SLC35F4: variants seen among roughly 807,000 people sequenced by gnomAD.
The protein encoded by SLC35F4 is chromosome 14 open reading frame 36.
SLC35F4 carries 24 observed loss-of-function variants against 44.2 expected under a neutral mutation model. The ratio of observed to expected loss-of-function variants is 0.54; its 90% CI spans 0.39 to 0.76. SLC35F4 has a LOEUF of 0.76. Among genes scored for constraint, SLC35F4 ranks in the 30% least tolerant of loss-of-function variants. The probability of loss-of-function intolerance (pLI) is 0.00; values close to 1 mark genes in which losing one functional copy is unlikely to be tolerated. For synonymous variants in SLC35F4, 238 were observed against 223.6 expected (o/e 1.06, Z -0.57); for missense variants, 562 against 586.1 (o/e 0.96, Z 0.42).
chr14:57,974,623 G>A (rs1881157645), downstream of SLC35F4, among the ~76,000 whole-genome samples: 1 of 152,166 alleles, frequency 6.6e-6, no homozygotes, highest in Non-Finnish European at 1.5e-5. Flanking sequence ...TTCAGAATGG[G>A]CAGTTACAGG....
chr14:57,725,236 T>A (rs1223053108), intron 1 of SLC35F4, among the ~76,000 whole-genome samples: 1 of 152,152 alleles, frequency 6.6e-6, no homozygotes, highest in Admixed American at 6.5e-5. Flanking sequence ...GGATGAAGGT[T>A]GCACATGGGC....
At chr14:57,915,044 C>T (rs1889290827) in intron 1 of SLC35F4, among the ~76,000 whole-genome samples, 1 of 152,162 alleles carries the variant, frequency 6.6e-6, no homozygotes, top group Non-Finnish European at 1.5e-5. Context: ...ATTCTTTAAG[C>T]CTGCAGACAA....
At chr14:57,844,348 C>T (rs925152002) in intron 1 of SLC35F4, among the ~76,000 whole-genome samples, 9 of 152,116 alleles carry the variant, frequency 5.9e-5, no homozygotes, top group African/African-American at 1.4e-4. Flanking sequence ...GTGAATAACA[C>T]GGGGCAAGAC....
intron 1 of SLC35F4, among the ~76,000 whole-genome samples, chr14:57,683,803 G>A (rs2074981969): frequency 6.6e-6 from 1 of 152,124 alleles, no homozygotes; most frequent in Non-Finnish European, 1.5e-5. Flanking sequence ...AGGACTTCCA[G>A]TAGGAAAGGG....
intron 3 of SLC35F4, among the ~76,000 whole-genome samples, chr14:57,583,503 A>G (rs771075477): frequency 1.3e-4 from 20 of 152,214 alleles, no homozygotes; most frequent in Non-Finnish European, 2.6e-4. Flanking sequence ...GCTCCTAAGC[A>G]AAGATTTTGG....
intron 1 of SLC35F4, among the ~76,000 whole-genome samples, chr14:57,938,848 AGGGCTGC>A (rs1406475101): frequency 3.1e-4 from 47 of 152,196 alleles, no homozygotes; most frequent in Non-Finnish European, 6.0e-4. Flanking sequence ...TTGTGACAGA[AGGGCTGC>A]AAAAAAAGAT....
intron 1 of SLC35F4, among the ~76,000 whole-genome samples, chr14:57,719,191 TTG>T (rs1013803094): frequency 1.1e-4 from 16 of 152,160 alleles, no homozygotes; most frequent in African/African-American, 3.6e-4. Flanking sequence ...CTTCATTGGT[TTG>T]TGTGTCTGTT....
At chr14:57,699,580 G>T (rs2075479732) in intron 1 of SLC35F4, among the ~76,000 whole-genome samples, 1 of 152,120 alleles carries the variant, frequency 6.6e-6, no homozygotes, top group African/African-American at 2.4e-5. Flanking sequence ...TTCAAATCAA[G>T]ATTTTCCATA....
intron 1 of SLC35F4, among the ~76,000 whole-genome samples, chr14:57,826,212 C>T (rs1655322199): frequency 6.6e-6 from 1 of 152,044 alleles, no homozygotes; most frequent in Admixed American, 6.6e-5. Context: ...TAAGGCTGCA[C>T]ACCTACAACC....
rs147497578 is a variant in SLC35F4 at position 57,589,509 on chromosome 14, G to A, written c.294C>T (p.Asp98=). 1.8e-4 allele frequency: 296 copies of A among 1,602,744 alleles called. No homozygotes were observed. The African/African-American group carries it at 3.2e-3, about 17-fold the overall frequency. Residue 98 remains aspartate, a synonymous_variant, in exon 3 of 8, where the codon GAC becomes GAT. Transcript: ENST00000556826. ...TCTCAGAATGAGTCTGTGTCCCATC[G>A]TCTGCTGGAAACAGGAAAGGAATAC... The part of the protein sequence containing the change: ...HRVERQNRSA[D]DGTQTHSENS...
chr14:57,772,115 TTAATA>T (rs2077379500), intron 1 of SLC35F4, among the ~76,000 whole-genome samples: 2 of 152,200 alleles, frequency 1.3e-5, no homozygotes, highest in African/African-American at 4.8e-5. Flanking sequence ...CACTTGAGGC[TTAATA>T]TAATATGCTG....
chr14:57,598,244 A>G (rs1478418922), intron 1 of SLC35F4, among the ~76,000 whole-genome samples: 1 of 152,086 alleles, frequency 6.6e-6, no homozygotes, highest in Non-Finnish European at 1.5e-5. Flanking sequence ...TACACTTTCA[A>G]TCTCACAGCT....
intron 1 of SLC35F4, among the ~76,000 whole-genome samples, chr14:57,792,235 T>C (rs912171862): frequency 2.6e-5 from 4 of 151,906 alleles, no homozygotes; most frequent in African/African-American, 9.7e-5. Flanking sequence ...TGCAAGAATA[T>C]CTATAATCAA....
chr14:57,982,786 A>G (rs1881421571), upstream of SLC35F4, among the ~76,000 whole-genome samples: 1 of 152,128 alleles, frequency 6.6e-6, no homozygotes, highest in African/African-American at 2.4e-5. Context: ...TATTTAAATG[A>G]TACCCTTGCT....
intron 1 of SLC35F4, among the ~76,000 whole-genome samples, chr14:57,810,502 C>T (rs1203107945): frequency 6.6e-6 from 1 of 152,208 alleles, no homozygotes; most frequent in African/African-American, 2.4e-5. Context: ...TTATTCCTGA[C>T]ACCATCACTG....
chr14:57,624,706 C>T (rs2072381541), intron 1 of SLC35F4, among the ~76,000 whole-genome samples: 1 of 152,170 alleles, frequency 6.6e-6, no homozygotes, highest in Admixed American at 6.5e-5. Flanking sequence ...ACAAATATGA[C>T]ATGATTATCT....
chr14:57,788,691 C>A (rs2077831407), intron 1 of SLC35F4, among the ~76,000 whole-genome samples: 1 of 152,062 alleles, frequency 6.6e-6, no homozygotes, highest in Non-Finnish European at 1.5e-5. Flanking sequence ...GGACTCTCGA[C>A]CCCAAATCAA....
At chr14:57,911,636 C>T (rs1291267523) in intron 1 of SLC35F4, among the ~76,000 whole-genome samples, 1 of 151,864 alleles carries the variant, frequency 6.6e-6, no homozygotes, top group African/African-American at 2.4e-5. Flanking sequence ...GGGATAAATC[C>T]CACATCGTCA....
chr14:57,888,026 T>A (rs1001411679), intron 1 of SLC35F4, among the ~76,000 whole-genome samples: 10 of 152,174 alleles, frequency 6.6e-5, no homozygotes, highest in African/African-American at 2.4e-4. Context: ...GCCGCTGGCA[T>A]CTCAGTTAAA....
Sources: allele counts gnomAD v4.1 joint callset (sites outside exome capture counted in the v4.1 genomes callset), GRCh38; gene constraint gnomAD v4.1.1; transcripts MANE v1.5; gene names NCBI Gene and HGNC (gene_info 2026-07-23, HGNC 2026-07-21).